Variants in PARD3 observed in about 807,000 individuals in gnomAD.
The protein encoded by PARD3 is partitioning defective 3 homolog.
PARD3 carries 75 observed loss-of-function variants against 155.4 expected under a neutral mutation model. The observed-to-expected ratio is 0.48, with a 90% CI of 0.40 to 0.58. PARD3 has a LOEUF of 0.58. Ranked by LOEUF, PARD3 falls within the 20% of genes least tolerant of loss-of-function variation. PARD3 has a pLI of 0.00. For missense variants in PARD3, 1,642 were observed against 1,721.7 expected (o/e 0.95, Z 0.82); for synonymous variants, 576 against 610.5 (o/e 0.94, Z 0.83).
intron 2 of PARD3, among the ~76,000 whole-genome samples, chr10:34,645,680 G>A (rs781014955): frequency 6.6e-6 from 1 of 152,190 alleles, no homozygotes; most frequent in Non-Finnish European, 1.5e-5. Flanking sequence ...GAATCTAGAA[G>A]TCGCTCTGCA....
chr10:34,430,595 G>A lies in PARD3; in HGVS notation c.714+19722C>T, dbSNP rs76624832. ...ATCTTTACTGAAGTCCATGAAATCG[G>A]TTCTATCATCTACCATTTTGCAAAT... On this transcript the variant is annotated intron_variant, in intron 5 of 24. Coordinates refer to ENST00000374788, the MANE Select transcript of PARD3 (RefSeq NM_001184785.2). Among the ~76,000 whole-genome samples the A allele has an allele frequency of 1.7e-3, 258 of 152,220 alleles. 2 individuals are homozygous for A. The highest frequency in any genetic ancestry group is 6.0e-3 in the African/African-American group (248 of 41,528).
At chr10:34,348,207 G>A in intron 14 of PARD3, 92 bp from the exon 15 acceptor site, 1 of 1,068,290 alleles carries the variant, frequency 9.4e-7, no homozygotes, top group South Asian at 1.9e-5. Context: ...CCCGAGGCCT[G>A]TATCCAACTG....
chr10:34,784,306 T>A (rs1840665465), intron 1 of PARD3, among the ~76,000 whole-genome samples: 1 of 152,072 alleles, frequency 6.6e-6, no homozygotes, highest in Admixed American at 6.6e-5. Context: ...GAAAGAAAAC[T>A]GCAGCCCCAT....
intron 2 of PARD3, among the ~76,000 whole-genome samples, chr10:34,526,825 A>T (rs2082518249): frequency 6.6e-6 from 1 of 152,224 alleles, no homozygotes; most frequent in Non-Finnish European, 1.5e-5. Context: ...GTTCATATCC[A>T]GTGTCGTCAG....
chr10:34,685,550 A>C (rs1414746473), intron 2 of PARD3, among the ~76,000 whole-genome samples: 1 of 152,188 alleles, frequency 6.6e-6, no homozygotes, highest in African/African-American at 2.4e-5. Context: ...CGGTGGCTTA[A>C]ACATTCTAAG....
chr10:34,211,132 C>T (rs373382324), intron 22 of PARD3, among the ~76,000 whole-genome samples: 1 of 152,154 alleles, frequency 6.6e-6, no homozygotes, highest in Admixed American at 6.5e-5. Context: ...TGAAACGCAC[C>T]GATAAACATT....
In PARD3 at chr10:34,269,861, G is replaced by C. The variant is rs1955527814; in HGVS notation, c.3215C>G (p.Ala1072Gly). The C allele has an allele frequency of 6.2e-7, 1 of 1,613,672 alleles. No individual in the cohort carries two copies. The highest frequency in any genetic ancestry group is 1.1e-5 in the South Asian group (1 of 91,066). The part of the protein sequence containing the change: ...AKTREFRERQ[A>G]RERDYAEIQD... ...AATTTCAGCATAGTCACGCTCTCGA[G>C]CTTGTCGTTCCCTAAATTCTCGAGT... is the stretch of plus-strand genomic sequence containing the variant. The change falls in exon 22 of 25, where the codon GCT (alanine) becomes GGT (glycine). Residue 1072 changes from alanine (A) to glycine (G), a missense_variant. Around this residue, in one of 3 missense-constraint regions of PARD3, gnomAD observed 1,529 missense variants for 1,587.3 expected, o/e 0.96. Coordinates refer to ENST00000374788, the MANE Select transcript of PARD3 (RefSeq NM_001184785.2).
intron 22 of PARD3, among the ~76,000 whole-genome samples, chr10:34,137,253 C>T (rs543725700): frequency 5.3e-5 from 8 of 152,290 alleles, no homozygotes; most frequent in African/African-American, 1.9e-4. Context: ...TGGTTACAAT[C>T]GTGGTGTCCC....
intron 2 of PARD3, among the ~76,000 whole-genome samples, chr10:34,624,887 G>A (rs899802716): frequency 1.3e-5 from 2 of 152,204 alleles, no homozygotes; most frequent in African/African-American, 2.4e-5. Flanking sequence ...TCACACTGCT[G>A]GGGAACCGGC....
In PARD3 at chr10:34,349,709, ACT is replaced by A. The variant is rs139337289; in HGVS notation, c.2068-1596_2068-1595del. ...CCTACATAAAGACTTGCTATACAAGACTCTATAAACAAATTCTGTTTACTATA... is the reference window on the plus strand; with the variant it reads ...CCTACATAAAGACTTGCTATACAAGACTATAAACAAATTCTGTTTACTATA... On this transcript the variant is annotated intron_variant, in intron 14 of 24. Transcript: ENST00000374788. Among the ~76,000 whole-genome samples the A allele has an allele frequency of 2.2e-3, 332 of 152,016 alleles. 9 individuals are homozygous for A. The East Asian group carries it at 0.059, about 27-fold the overall frequency.
intron 22 of PARD3, among the ~76,000 whole-genome samples, chr10:34,185,611 T>C (rs1950451069): frequency 1.3e-5 from 2 of 151,956 alleles, no homozygotes; most frequent in African/African-American, 4.8e-5. Context: ...AGACACGGCA[T>C]TTATCTTTAA....
intron 2 of PARD3, among the ~76,000 whole-genome samples, chr10:34,624,495 G>T (rs557093316): frequency 1.3e-5 from 2 of 152,232 alleles, no homozygotes; most frequent in Non-Finnish European, 2.9e-5. Context: ...ACAGTGAGCC[G>T]TGTCACTTCA....
At chr10:34,216,299 A>C (rs1203905793) in intron 22 of PARD3, among the ~76,000 whole-genome samples, 1 of 152,254 alleles carries the variant, frequency 6.6e-6, no homozygotes, top group Non-Finnish European at 1.5e-5. Flanking sequence ...GCAGAGAACA[A>C]CACTGGATGA....
intron 8 of PARD3, among the ~76,000 whole-genome samples, chr10:34,383,812 A>AGGT (rs1223954760): frequency 2.0e-5 from 3 of 152,184 alleles, no homozygotes; most frequent in Non-Finnish European, 4.4e-5. Context: ...TGTGCAGCAA[A>AGGT]GGTGGACGGG....
intron 12 of PARD3, among the ~76,000 whole-genome samples, chr10:34,369,665 A>C (rs1026953539): frequency 2.0e-5 from 3 of 152,182 alleles, no homozygotes; most frequent in African/African-American, 7.2e-5. Context: ...GCAGGAAAAG[A>C]AAAAGAATCA....
intron 22 of PARD3, among the ~76,000 whole-genome samples, chr10:34,199,518 T>C (rs1951108985): frequency 6.6e-6 from 1 of 152,052 alleles, no homozygotes; most frequent in Non-Finnish European, 1.5e-5. Context: ...GGCCATGGTT[T>C]CATGAGGGTG....
At chr10:34,519,003 G>T (rs2081962191) in intron 2 of PARD3, among the ~76,000 whole-genome samples, 1 of 152,106 alleles carries the variant, frequency 6.6e-6, no homozygotes, top group Non-Finnish European at 1.5e-5. Context: ...TTACTTTTGT[G>T]GTATTCTTGC....
intron 22 of PARD3, among the ~76,000 whole-genome samples, chr10:34,230,242 C>A (rs1425210047): frequency 6.6e-6 from 1 of 152,046 alleles, no homozygotes; most frequent in African/African-American, 2.4e-5. Context: ...AGGAAAGCCT[C>A]AACATGTGGA....
chr10:34,345,626 C>T (rs1241323304), intron 15 of PARD3: 2 of 985,310 alleles, frequency 2.0e-6, no homozygotes, highest in East Asian at 2.3e-4. Context: ...AATGGAAATC[C>T]AAAGTCCTAA....
Sources: gnomAD v4.1 joint callset for allele counts (sites outside exome capture counted in the v4.1 genomes callset) on GRCh38, gnomAD v4.1.1 for gene constraint, gnomAD v4.1.1 regional missense constraint, MANE v1.5 for transcripts, NCBI Gene and HGNC (gene_info 2026-07-23, HGNC 2026-07-21) for gene names.